SWT1: variants seen among roughly 807,000 people sequenced by gnomAD.
SWT1 encodes SWT1 RNA endoribonuclease homolog.
A neutral mutation model predicts 107.3 loss-of-function variants in SWT1; 33 were observed. The observed-to-expected ratio is 0.31, with a 90% CI of 0.23 to 0.41. The LOEUF is 0.41. Ranked by LOEUF, SWT1 falls within the 10% of genes least tolerant of loss-of-function variation. SWT1 has a pLI of 1.00. For missense variants in SWT1, 898 were observed against 1,028.9 expected (o/e 0.87, Z 1.74); for synonymous variants, 345 against 348.3 (o/e 0.99, Z 0.11).
intron 16 of SWT1, among the ~76,000 whole-genome samples, chr1:185,239,383 A>G (rs1329528853): frequency 6.6e-6 from 1 of 152,218 alleles, no homozygotes; most frequent in East Asian, 1.9e-4. Flanking sequence ...TAAAATGTGT[A>G]TTTCAGTTTT....
chr1:185,266,865 A>G (rs1260946684), intron 16 of SWT1, among the ~76,000 whole-genome samples: 2 of 152,246 alleles, frequency 1.3e-5, no homozygotes, highest in East Asian at 1.9e-4. Context: ...TCTGATAAAG[A>G]TAAAACAACT....
At chr1:185,166,478 A>G (rs1026905257) in intron 2 of SWT1, 94 bp from the exon 3 acceptor site, 9 of 764,598 alleles carry the variant, frequency 1.2e-5, no homozygotes, top group African/African-American at 5.3e-5. Flanking sequence ...TTGAATGTAA[A>G]TGTTGATTTG....
At chr1:185,162,065 C>G (rs761452167) in intron 2 of SWT1, among the ~76,000 whole-genome samples, 1 of 152,090 alleles carries the variant, frequency 6.6e-6, no homozygotes, top group Non-Finnish European at 1.5e-5. Flanking sequence ...AATTTGGTCT[C>G]GCAGGTATAG....
intron 4 of SWT1, chr1:185,171,681 CT>C: frequency 1.9e-6 from 1 of 513,668 alleles, no homozygotes; most frequent in Non-Finnish European, 3.8e-6. Flanking sequence ...TTTTGCCCCC[CT>C]TTACCACAAG....
At chr1:185,231,533 ATATG>A in intron 15 of SWT1, 40 bp from the exon 16 acceptor site, 1 of 1,386,552 alleles carries the variant, frequency 7.2e-7, no homozygotes, top group Non-Finnish European at 1.0e-6. Context: ...ATTACATTAA[ATATG>A]TATGTATACC....
intron 18 of SWT1, 43 bp from the exon 19 acceptor site, chr1:185,290,631 G>T: frequency 2.1e-6 from 3 of 1,439,174 alleles, no homozygotes; most frequent in South Asian, 3.2e-5. Context: ...TTATTTCTCT[G>T]ACTAGCTGTC....
chr1:185,250,252 C>T (rs760531899), intron 16 of SWT1, among the ~76,000 whole-genome samples: 7 of 152,178 alleles, frequency 4.6e-5, no homozygotes, highest in African/African-American at 7.2e-5. Context: ...CTCAGCCTCC[C>T]TCGTAGCTGT....
chr1:185,175,212 T>G lies in SWT1; in HGVS notation c.966+99T>G, dbSNP rs545489763. 5.1e-4 allele frequency: 553 copies of G among 1,081,372 alleles called. 3 individuals carry two copies. In the African/African-American group the frequency reaches 5.7e-3, roughly 11 times the overall value. 67.0% of individuals were successfully genotyped at this position (1,081,372 alleles called of 1,614,324 possible). A position where few individuals can be genotyped will look rare whatever the true frequency, so the allele number is the denominator to read the frequency against. ...TCTATATTTTTTTCTGTTTTTTTTTTTTTTTGTTGTTGTTTGTTTTTTGTT... is the reference window on the plus strand; with the variant it reads ...TCTATATTTTTTTCTGTTTTTTTTTGTTTTTGTTGTTGTTTGTTTTTTGTT... On this transcript the variant is annotated intron_variant, in intron 5 of 18. Coordinates refer to ENST00000367500, the MANE Select transcript of SWT1 (RefSeq NM_017673.7).
At chr1:185,234,024 G>C (rs113418486) in intron 16 of SWT1, among the ~76,000 whole-genome samples, 1 of 152,144 alleles carries the variant, frequency 6.6e-6, no homozygotes, top group South Asian at 2.1e-4. Context: ...GATTACAGGC[G>C]TGAGCCTCTG....
chr1:185,219,214 C>T (rs1571535951), intron 14 of SWT1, among the ~76,000 whole-genome samples: 2 of 152,154 alleles, frequency 1.3e-5, no homozygotes, highest in African/African-American at 4.8e-5. Flanking sequence ...GGAGAGAGCT[C>T]ATAACTTCAT....
intron 15 of SWT1, among the ~76,000 whole-genome samples, chr1:185,230,366 T>C (rs1660421419): frequency 1.3e-5 from 2 of 152,240 alleles, no homozygotes; most frequent in African/African-American, 4.8e-5. Context: ...TTGGTTCTTC[T>C]GGAGTTTCTG....
intron 16 of SWT1, among the ~76,000 whole-genome samples, chr1:185,249,933 T>C (rs533527471): frequency 6.6e-6 from 1 of 152,340 alleles, no homozygotes; most frequent in South Asian, 2.1e-4. Context: ...CTTTTTCTTT[T>C]TGTATTACTT....
chr1:185,195,263 C>T (rs750380617), intron 10 of SWT1, among the ~76,000 whole-genome samples: 2 of 152,120 alleles, frequency 1.3e-5, no homozygotes, highest in Non-Finnish European at 2.9e-5. Flanking sequence ...GTTTTCTGTT[C>T]CTGTGTTAGT....
chr1:185,169,703 G>A (rs1654884456), intron 4 of SWT1, among the ~76,000 whole-genome samples: 1 of 151,660 alleles, frequency 6.6e-6, no homozygotes, highest in Non-Finnish European at 1.5e-5. Flanking sequence ...GACCAGCCTG[G>A]GCGATGTAGT....
chr1:185,197,411 T>G (rs1657488059), intron 10 of SWT1, among the ~76,000 whole-genome samples: 1 of 152,100 alleles, frequency 6.6e-6, no homozygotes, highest in Admixed American at 6.6e-5. Flanking sequence ...CAGGGATATT[T>G]GTCTGAAATT....
intron 15 of SWT1, among the ~76,000 whole-genome samples, chr1:185,223,253 T>A (rs1659808299): frequency 6.6e-6 from 1 of 152,144 alleles, no homozygotes; most frequent in African/African-American, 2.4e-5. Flanking sequence ...AGGGTCTCGC[T>A]CTGTCACCCA....
intron 16 of SWT1, among the ~76,000 whole-genome samples, chr1:185,264,952 C>G (rs1257453049): frequency 6.6e-6 from 1 of 152,076 alleles, no homozygotes; most frequent in Admixed American, 6.6e-5. Flanking sequence ...TTTTAACAAT[C>G]AAAATGATAT....
Position 185,271,353 on chromosome 1 carries a change from T to C in SWT1, c.2472T>C (p.Asp824=). Residue 824 remains aspartate (D), a synonymous_variant, in exon 17 of 19, where the codon GAT becomes GAC. Transcript: ENST00000367500. ...TGGCCCCAAACAGTAATTATCAAGA[T>C]GTTGAGACCCTCTATAACTTCCTAA... ...RILAPNSNYQ[D]VETLYNFLIK... 6.6e-7 allele frequency: 1 copy of C among 1,515,204 alleles called. No homozygotes were observed. The highest frequency in any genetic ancestry group is 9.2e-7 in the Non-Finnish European group (1 of 1,091,308). 93.9% of individuals were successfully genotyped at this position (1,515,204 alleles called of 1,614,324 possible). A position where few individuals can be genotyped will look rare whatever the true frequency, so the allele number is the denominator to read the frequency against.
chr1:185,226,483 C>G (rs890291871), intron 15 of SWT1, among the ~76,000 whole-genome samples: 1 of 152,054 alleles, frequency 6.6e-6, no homozygotes, highest in South Asian at 2.1e-4. Context: ...TGCCTGTAAT[C>G]CCAGCACTTT....
Sources: gnomAD v4.1 joint callset for allele counts (sites outside exome capture counted in the v4.1 genomes callset) on GRCh38, gnomAD v4.1.1 for gene constraint, MANE v1.5 for transcripts, NCBI Gene and HGNC (gene_info 2026-07-23, HGNC 2026-07-21) for gene names.